The following ADGRG7 variants were observed in gnomAD, a reference collection of about 807,000 sequenced individuals.
ADGRG7 encodes adhesion G protein-coupled receptor G7, also known as G-protein coupled receptor 128.
In ADGRG7, 82 loss-of-function variants were observed where a neutral mutation model predicts 88.6. That is an observed-to-expected ratio of 0.93 (90% CI 0.77 to 1.11). The LOEUF (loss-of-function observed/expected upper bound fraction) is 1.11. ADGRG7 is among the 50% of genes most tolerant of loss of function. ADGRG7 has a pLI of 0.00. For synonymous variants in ADGRG7, 381 were observed against 345.2 expected (o/e 1.10, Z -1.15); for missense variants, 945 against 953.4 (o/e 0.99, Z 0.12).
At chr3:100,654,800 A>G in intron 11 of ADGRG7, 35 bp from the exon 12 acceptor site, 5 of 1,313,972 alleles carry the variant, frequency 3.8e-6, no homozygotes, top group Non-Finnish European at 5.2e-6. Flanking sequence ...GTTGTGTTTC[A>G]TTTAATTTTT....
At chr3:100,628,374 G>GTTTTTTTTGTT (rs112549474) in intron 1 of ADGRG7, among the ~76,000 whole-genome samples, 2 of 146,312 alleles carry the variant, frequency 1.4e-5, no homozygotes, top group African/African-American at 5.0e-5. Flanking sequence ...TGTTTTTTTT[G>GTTTTTTTTGTT]TTTTTTTTTT....
At chr3:100,627,461 T>G (rs1022022097) in intron 1 of ADGRG7, among the ~76,000 whole-genome samples, 3 of 152,178 alleles carry the variant, frequency 2.0e-5, no homozygotes, top group Non-Finnish European at 4.4e-5. Context: ...AGATTTGACT[T>G]CCTGCTATTT....
intron 1 of ADGRG7, among the ~76,000 whole-genome samples, chr3:100,612,201 G>A (rs568004970): frequency 6.6e-6 from 1 of 151,830 alleles, no homozygotes; most frequent in South Asian, 2.1e-4. Context: ...AAAAGTAATG[G>A]CCTCATTGTG....
intron 1 of ADGRG7, among the ~76,000 whole-genome samples, chr3:100,617,355 T>C (rs962511552): frequency 7.3e-5 from 11 of 151,180 alleles, no homozygotes; most frequent in Non-Finnish European, 1.3e-4. Flanking sequence ...TATCTCCTAA[T>C]GCTATCCCTT....
chr3:100,657,199 T>C (rs1301501953), intron 13 of ADGRG7, among the ~76,000 whole-genome samples: 1 of 152,182 alleles, frequency 6.6e-6, no homozygotes, highest in Non-Finnish European at 1.5e-5. Context: ...GGAAAGGATG[T>C]GTGACATAAG....
At chr3:100,673,080 G>T (rs1427513902) in intron 15 of ADGRG7, among the ~76,000 whole-genome samples, 1 of 152,152 alleles carries the variant, frequency 6.6e-6, no homozygotes, top group Non-Finnish European at 1.5e-5. Context: ...CTCCTAAAAT[G>T]AGTTACGGAG....
intron 5 of ADGRG7, 45 bp downstream of exon 5, chr3:100,635,871 G>A (rs778764006): frequency 3.3e-5 from 47 of 1,417,684 alleles, no homozygotes; most frequent in Non-Finnish European, 4.4e-5. Context: ...TTTATTTTTA[G>A]AGGGGGTGTT....
intron 8 of ADGRG7, among the ~76,000 whole-genome samples, chr3:100,644,597 G>A (rs586347): frequency 0.25 from 38,013 of 151,504 alleles, 5,986 homozygotes; most frequent in Non-Finnish European, 0.36. Context: ...TCTACCTCAC[G>A]AATCACTGCA....
At chr3:100,669,290 T>G (rs1370416928) in intron 15 of ADGRG7, among the ~76,000 whole-genome samples, 185 bp downstream of exon 15, 2 of 151,694 alleles carry the variant, frequency 1.3e-5, no homozygotes, top group Non-Finnish European at 2.9e-5. Flanking sequence ...ATTGAGACCA[T>G]CCTGGATAAC....
intron 15 of ADGRG7, among the ~76,000 whole-genome samples, chr3:100,675,417 AC>A (rs1262513078): frequency 6.6e-6 from 1 of 152,170 alleles, no homozygotes; most frequent in Non-Finnish European, 1.5e-5. Flanking sequence ...CATATGTAGG[AC>A]CATCCTTGCA....
At chr3:100,675,008 T>C (rs2094963265) in intron 15 of ADGRG7, among the ~76,000 whole-genome samples, 1 of 152,240 alleles carries the variant, frequency 6.6e-6, no homozygotes, top group South Asian at 2.1e-4. Flanking sequence ...GGAGTCTAGT[T>C]TTCTCCAAAT....
In ADGRG7 at chr3:100,694,823, C is replaced by CGTCT. The variant is rs781031801; in HGVS notation, c.2217_2220dup (p.Ile741ValfsTer22). On this transcript the variant is annotated frameshift_variant, in exon 16 of 16. Transcript: ENST00000273352. LOFTEE classifies it high-confidence loss of function. ...GCTTCCAAAGTGTTGATGTTGCTATCGTCTATTGGGAGAAGGAAGTCATTG... is the reference window on the plus strand; with the variant it reads ...GCTTCCAAAGTGTTGATGTTGCTATCGTCTGTCTATTGGGAGAAGGAAGTCATTG... 1.2e-6 allele frequency: 2 copies of CGTCT among 1,613,968 alleles called. No individual in the cohort carries two copies. Among genetic ancestry groups the CGTCT allele is most frequent in the Non-Finnish European group, 1.7e-6 (2 of 1,179,982 alleles).
At chr3:100,662,674 CA>C (rs1333412882) in intron 14 of ADGRG7, among the ~76,000 whole-genome samples, 1 of 151,896 alleles carries the variant, frequency 6.6e-6, no homozygotes, top group Non-Finnish European at 1.5e-5. Flanking sequence ...CCAACAATTT[CA>C]AAACTAGTGC....
intron 1 of ADGRG7, among the ~76,000 whole-genome samples, chr3:100,628,225 C>A (rs949154500): frequency 1.3e-5 from 2 of 152,000 alleles, no homozygotes; most frequent in Non-Finnish European, 2.9e-5. Context: ...TCAGTTTCTG[C>A]CTGTTTTTCA....
At chr3:100,628,883 T>C (rs890083368) in intron 1 of ADGRG7, among the ~76,000 whole-genome samples, 2 of 152,152 alleles carry the variant, frequency 1.3e-5, no homozygotes, top group African/African-American at 4.8e-5. Flanking sequence ...CCCATACTCC[T>C]TCACTTATCC....
intron 14 of ADGRG7, among the ~76,000 whole-genome samples, chr3:100,664,828 A>T (rs1456218018): frequency 6.6e-6 from 1 of 152,216 alleles, no homozygotes. Flanking sequence ...GGAGAAAAGT[A>T]ATCCACCGAA....
rs182681728 is a variant in ADGRG7 at position 100,666,013 on chromosome 3, T to C, written c.1980-2936T>C. Among the ~76,000 whole-genome samples, 56 of 152,284 alleles carry C rather than the reference T, an allele frequency of 3.7e-4. 1 individual carries two copies. The East Asian group carries it at 0.011, about 29-fold the overall frequency. On this transcript the variant is annotated intron_variant, in intron 14 of 15. Coordinates refer to ENST00000273352, the MANE Select transcript of ADGRG7 (RefSeq NM_032787.3). Reference sequence around the variant, plus strand: ...TGAGTGTTGGCTGGGTAGTTCTGTCTTGACGGGCTTGGATGCTTATTAATG... The same window carrying C: ...TGAGTGTTGGCTGGGTAGTTCTGTCCTGACGGGCTTGGATGCTTATTAATG...
chr3:100,646,995 T>A (rs190716745), intron 10 of ADGRG7, among the ~76,000 whole-genome samples: 1 of 152,026 alleles, frequency 6.6e-6, no homozygotes, highest in Non-Finnish European at 1.5e-5. Context: ...CCGTCTCTAC[T>A]AAAAATACAG....
In ADGRG7 at chr3:100,652,616, T is replaced by C. The variant is rs149535693; in HGVS notation, c.1380-2219T>C. Among the ~76,000 whole-genome samples the C allele has an allele frequency of 3.5e-3, 528 of 152,204 alleles. 5 individuals are homozygous for C. Among genetic ancestry groups the C allele is most frequent in the Non-Finnish European group, 5.1e-3 (349 of 67,986 alleles). ...TAAGCAATAAGGAAAATAATACATGTACAAAAAAGAATATCACATTTTACT... is the reference window on the plus strand; with the variant it reads ...TAAGCAATAAGGAAAATAATACATGCACAAAAAAGAATATCACATTTTACT... On this transcript the variant is annotated intron_variant, in intron 11 of 15. Coordinates refer to ENST00000273352, the MANE Select transcript of ADGRG7 (RefSeq NM_032787.3).
Sources: gnomAD v4.1 joint callset for allele counts (sites outside exome capture counted in the v4.1 genomes callset) on GRCh38, gnomAD v4.1.1 for gene constraint, MANE v1.5 for transcripts, NCBI Gene and HGNC (gene_info 2026-07-23, HGNC 2026-07-21) for gene names.